The following KDM5B variants were observed in gnomAD, a reference collection of about 807,000 sequenced individuals.
KDM5B encodes lysine-specific demethylase 5B.
In KDM5B, 144 loss-of-function variants were observed where a neutral mutation model predicts 193.4. The observed-to-expected ratio is 0.74, with a 90% CI of 0.65 to 0.86. The LOEUF (loss-of-function observed/expected upper bound fraction) is 0.86. KDM5B is among the 40% of genes least tolerant of loss of function. The pLI is 0.00. For missense variants in KDM5B, 1,833 were observed against 1,886.9 expected, an observed-to-expected ratio of 0.97 and a Z score of 0.53; for synonymous variants, 668 against 682.6, an observed-to-expected ratio of 0.98 and a Z score of 0.33.
At chr1:202,797,539 T>C (rs954162429) in intron 1 of KDM5B, among the ~76,000 whole-genome samples, 3 of 152,234 alleles carry the variant, frequency 2.0e-5, no homozygotes, top group Non-Finnish European at 4.4e-5. Flanking sequence ...AATATTTTCT[T>C]AAAAGATCTA....
intron 20 of KDM5B, among the ~76,000 whole-genome samples, chr1:202,740,094 G>C (rs910132552): frequency 1.0e-4 from 15 of 150,182 alleles, no homozygotes; most frequent in African/African-American, 3.4e-4. Context: ...GCGGCTGGCC[G>C]GGCATGGGGC....
chr1:202,736,042 A>G (rs565178182), intron 21 of KDM5B, among the ~76,000 whole-genome samples, 171 bp downstream of exon 21: 1 of 152,362 alleles, frequency 6.6e-6, no homozygotes, highest in African/African-American at 2.4e-5. Flanking sequence ...AACCAAGAAA[A>G]CATTTAAAGG....
Position 202,742,408 on chromosome 1 carries a change from G to T in KDM5B, c.2572C>A (p.Gln858Lys). 1 of 1,612,880 alleles carries T rather than the reference G, an allele frequency of 6.2e-7. No individual in the cohort carries two copies. The highest frequency in any genetic ancestry group is 1.1e-5 in the South Asian group (1 of 90,998). ...QLYALPCVLS[Q>K]TPLLKDLLNR... ...ATGGTTACCTTTAGTAATGGTGTCT[G>T]ACTGAGGACACATGGAAGAGCATAC... The change falls in exon 18 of 27, where the codon CAG (glutamine) becomes AAG (lysine). Residue 858 changes from glutamine (Q) to lysine (K), a missense_variant. Gln to Lys is a moderately conservative substitution (Grantham distance 53). Transcript: ENST00000367265.
chr1:202,743,519 G>C (rs3952364), intron 16 of KDM5B, among the ~76,000 whole-genome samples: 1 of 151,950 alleles, frequency 6.6e-6, no homozygotes, highest in Non-Finnish European at 1.5e-5. Context: ...TAGAGCACAG[G>C]AGACTCAGAG....
At chr1:202,732,030 A>T in intron 23 of KDM5B, 91 bp from the exon 24 acceptor site, 5 of 641,570 alleles carry the variant, frequency 7.8e-6, no homozygotes, top group Non-Finnish European at 1.3e-5. Flanking sequence ...TTACCCAGGC[A>T]GGCAACCAGG....
In KDM5B at chr1:202,741,566, G is replaced by A. The variant is rs1655339399; in HGVS notation, c.2746C>T (p.Gln916Ter). Reference sequence around the variant, plus strand: ...TGCACCTCTTCTAGCCAACGGGCTTGTTCCAAACGGATACGCATCTCAGCA... The same window carrying A: ...TGCACCTCTTCTAGCCAACGGGCTTATTCCAAACGGATACGCATCTCAGCA... ...QLAEMRIRLE[Q>*]ARWLEEVQQA... The change falls in exon 19 of 27, where the codon CAA becomes TAA. Residue 916 changes from glutamine to a stop codon, truncating the protein, a stop_gained. Transcript: ENST00000367265. LOFTEE classifies it high-confidence loss of function. 1.2e-6 allele frequency: 2 copies of A among 1,614,128 alleles called. No homozygotes were observed. The highest frequency in any genetic ancestry group is 1.7e-5 in the Admixed American group (1 of 60,016).
intron 10 of KDM5B, 24 bp from the exon 11 acceptor site, chr1:202,755,476 GATAAAGGTTTAGCTATACA>G (rs779138782): frequency 1.9e-6 from 3 of 1,579,746 alleles, no homozygotes; most frequent in Non-Finnish European, 1.7e-6. Context: ...GACAAAAGAG[GATAAAGGTTTAGCTATACA>G]ATGCTAACGT....
intron 25 of KDM5B, 47 bp downstream of exon 25, chr1:202,730,862 C>A (rs1228683150): frequency 6.5e-7 from 1 of 1,529,974 alleles, no homozygotes; most frequent in South Asian, 1.3e-5. Context: ...TAAAGCATAC[C>A]CCCACCCCAG....
chr1:202,729,649 C>G (rs1031125873), intron 26 of KDM5B, 58 bp downstream of exon 26: 4 of 1,477,748 alleles, frequency 2.7e-6, no homozygotes, highest in Non-Finnish European at 3.7e-6. Context: ...TGAGGTCTAG[C>G]TTACAGGGTT....
intron 22 of KDM5B, among the ~76,000 whole-genome samples, 179 bp downstream of exon 22, chr1:202,735,250 C>T (rs1014965701): frequency 5.3e-5 from 8 of 152,188 alleles, no homozygotes; most frequent in African/African-American, 1.9e-4. Context: ...TCTTTCCCAC[C>T]TCTATGCATC....
At chr1:202,735,149 C>A in intron 22 of KDM5B, among the ~76,000 whole-genome samples, 1 of 152,094 alleles carries the variant, frequency 6.6e-6, no homozygotes, top group East Asian at 1.9e-4. Flanking sequence ...GTCTCAATAT[C>A]TTTAGTTAGC....
chr1:202,753,185 C>G (rs941292182), intron 11 of KDM5B, 118 bp from the exon 12 acceptor site: 58 of 820,894 alleles, frequency 7.1e-5, no homozygotes, highest in Middle Eastern at 3.4e-4. Flanking sequence ...AATCCACAAA[C>G]TGACGAAATA....
intron 20 of KDM5B, among the ~76,000 whole-genome samples, chr1:202,738,781 T>A (rs905202663): frequency 6.6e-6 from 1 of 152,198 alleles, no homozygotes; most frequent in African/African-American, 2.4e-5. Context: ...CGTTTCAAAT[T>A]AAGTCATTCA....
At chr1:202,791,599 C>T (rs1657643586) in intron 1 of KDM5B, among the ~76,000 whole-genome samples, 2 of 152,150 alleles carry the variant, frequency 1.3e-5, no homozygotes, top group South Asian at 4.1e-4. Flanking sequence ...CAGACAGCTC[C>T]CTCTCATCCA....
At chr1:202,784,916 C>T (rs1383087288) in intron 1 of KDM5B, among the ~76,000 whole-genome samples, 2 of 151,688 alleles carry the variant, frequency 1.3e-5, no homozygotes, top group Non-Finnish European at 2.9e-5. Context: ...CACCTGTCAT[C>T]CTAGCTACTC....
chr1:202,736,629 G>A (rs918494233), intron 20 of KDM5B, among the ~76,000 whole-genome samples: 11 of 151,830 alleles, frequency 7.2e-5, no homozygotes, highest in Non-Finnish European at 1.6e-4. Flanking sequence ...GTTGGTGGTG[G>A]TGGTGGTAGT....
At chr1:202,791,244 G>T (rs949635110) in intron 1 of KDM5B, among the ~76,000 whole-genome samples, 1 of 152,158 alleles carries the variant, frequency 6.6e-6, no homozygotes, top group Non-Finnish European at 1.5e-5. Flanking sequence ...ATATGAGGAA[G>T]TTGCAGTCTG....
At chr1:202,775,156 G>C (rs2102300122) in intron 2 of KDM5B, among the ~76,000 whole-genome samples, 1 of 151,832 alleles carries the variant, frequency 6.6e-6, no homozygotes, top group African/African-American at 2.4e-5. Flanking sequence ...AGAATTGCTT[G>C]AACTCAGGAG....
At chr1:202,782,795 A>G (rs1461518181) in intron 1 of KDM5B, among the ~76,000 whole-genome samples, 2 of 152,238 alleles carry the variant, frequency 1.3e-5, no homozygotes, top group African/African-American at 4.8e-5. Flanking sequence ...AACTAGATGT[A>G]ATAAGAATTT....
Sources: gnomAD v4.1 joint callset for allele counts (sites outside exome capture counted in the v4.1 genomes callset) on GRCh38, gnomAD v4.1.1 for gene constraint, MANE v1.5 for transcripts, NCBI Gene and HGNC (gene_info 2026-07-23, HGNC 2026-07-21) for gene names.